DTYMK: variants seen among roughly 807,000 people sequenced by gnomAD.
The protein encoded by DTYMK is deoxythymidylate kinase.
In DTYMK, 20 loss-of-function variants were observed where a neutral mutation model predicts 20.3. That is an observed-to-expected ratio of 0.99 (90% CI 0.69 to 1.43). The LOEUF (loss-of-function observed/expected upper bound fraction) is 1.43, where lower values mean the gene tolerates loss of function less well. DTYMK is among the 40% of genes most tolerant of loss of function. DTYMK has a pLI of 0.00. For synonymous variants in DTYMK, 148 were observed against 124.4 expected, an observed-to-expected ratio of 1.19 and a Z score of -1.27; for missense variants, 320 against 291.1, an observed-to-expected ratio of 1.10 and a Z score of -0.72.
At chr2:241,685,952 G>T in intron 1 of DTYMK, 75 bp from the exon 2 acceptor site, 2 of 1,435,932 alleles carry the variant, frequency 1.4e-6, no homozygotes, top group South Asian at 1.2e-5. Context: ...AGTTTGGACT[G>T]AATTTCTCCC....
intron 2 of DTYMK, chr2:241,682,116 A>G (rs1447797189): frequency 2.7e-6 from 1 of 373,868 alleles, no homozygotes; most frequent in Non-Finnish European, 5.3e-6. Flanking sequence ...AGGCAGGAGG[A>G]CTGCTTGGGT....
intron 3 of DTYMK, among the ~76,000 whole-genome samples, chr2:241,679,362 C>A (rs1446620671): frequency 6.6e-6 from 1 of 152,180 alleles, no homozygotes; most frequent in Non-Finnish European, 1.5e-5. Context: ...GTCAGCTGAT[C>A]CGCACAGCAG....
At position 241,678,523 on chromosome 2, in the gene DTYMK, T is replaced by C; in HGVS notation, c.457A>G (p.Asn153Asp). The C allele has an allele frequency of 6.2e-7, 1 of 1,614,188 alleles. No homozygotes were observed. The highest frequency in any genetic ancestry group is 8.5e-7 in the Non-Finnish European group (1 of 1,180,042). The change falls in exon 4 of 5, where the codon AAC becomes GAC. Residue 153 changes from asparagine to aspartate, a missense_variant. By Grantham distance (23) the Asn-to-Asp change is conservative. Coordinates refer to ENST00000305784, the MANE Select transcript of DTYMK (RefSeq NM_012145.4). Reference sequence around the variant, plus strand: ...AGCGCCCGCTCCTGGAAAGCCCCGTTCTCATAGCGCTCATGGCCAAACGCT... The same window carrying C: ...AGCGCCCGCTCCTGGAAAGCCCCGTCCTCATAGCGCTCATGGCCAAACGCT... ...RGAFGHERYE[N>D]GAFQERALRC... is the part of the protein sequence containing the mutation.
intron 2 of DTYMK, among the ~76,000 whole-genome samples, chr2:241,683,478 G>A (rs950412363): frequency 2.0e-5 from 3 of 151,950 alleles, no homozygotes; most frequent in Non-Finnish European, 2.9e-5. Context: ...TATTTTATGC[G>A]TGGCCCAAGA....
At chr2:241,686,004 A>G (rs938281801) in intron 1 of DTYMK, 127 bp from the exon 2 acceptor site, 1 of 906,228 alleles carries the variant, frequency 1.1e-6, no homozygotes, top group Non-Finnish European at 1.7e-6. Context: ...CTAAATCTCT[A>G]GACAGGCTTG....
In DTYMK at chr2:241,678,597, T is replaced by C. The variant is rs1267530026; in HGVS notation, c.383A>G (p.Asp128Gly). Residue 128 changes from aspartate (D) to glycine (G), a missense_variant, in exon 4 of 5, where the codon GAC (aspartate) becomes GGC (glycine). Physicochemically the swap from Asp to Gly is moderately conservative, Grantham distance 94. Coordinates refer to ENST00000305784, the MANE Select transcript of DTYMK (RefSeq NM_012145.4). ...KQPDVGLPKPDLVLFLQLQLA... is the reference protein window; with the variant it reads ...KQPDVGLPKPGLVLFLQLQLA... ...CTGTAACTGGAGGAACAGGACCAGG[T>C]CGGGTTTGGGAAGGCCCACGTCTGG... 1 of 1,614,104 alleles carries C rather than the reference T, an allele frequency of 6.2e-7. No individual in the cohort carries two copies.
chr2:241,681,229 T>C (rs985003391), intron 2 of DTYMK, among the ~76,000 whole-genome samples: 1 of 152,114 alleles, frequency 6.6e-6, no homozygotes, highest in African/African-American at 2.4e-5. Context: ...GGCCTTCAAA[T>C]CACAGGGGCA....
intron 4 of DTYMK, 44 bp downstream of exon 4, chr2:241,678,408 G>A (rs1454543795): frequency 1.2e-6 from 2 of 1,611,306 alleles, no homozygotes; most frequent in African/African-American, 1.3e-5. Flanking sequence ...GTCATCCTGA[G>A]CCACTTCTCC....
chr2:241,678,092 G>A (rs1299196750), intron 4 of DTYMK, among the ~76,000 whole-genome samples: 1 of 152,048 alleles, frequency 6.6e-6, no homozygotes, highest in African/African-American at 2.4e-5. Context: ...CCTGACCAAC[G>A]TGGAGAAACC....
chr2:241,678,711 G>A (rs1036963597), intron 3 of DTYMK, 62 bp from the exon 4 acceptor site: 18 of 1,567,696 alleles, frequency 1.1e-5, no homozygotes, highest in Admixed American at 3.6e-5. Flanking sequence ...TTCGAAAGTC[G>A]TAAAAACAGG....
Position 241,678,635 on chromosome 2 carries a change from A to C in DTYMK, c.345T>G (p.Asp115Glu). 1 of 1,613,846 alleles carries C rather than the reference A, an allele frequency of 6.2e-7. No individual in the cohort carries two copies. Among genetic ancestry groups the C allele is most frequent in the Non-Finnish European group, 8.5e-7 (1 of 1,179,958 alleles). ...FTGAKENFSLDWCKQPDVGLP... is the reference protein window; with the variant it reads ...FTGAKENFSLEWCKQPDVGLP... Reference sequence around the variant, plus strand: ...GGCCCACGTCTGGCTGTTTACACCAATCTAGGGAAAAATTCTGCCAAGAAA... The same window carrying C: ...GGCCCACGTCTGGCTGTTTACACCACTCTAGGGAAAAATTCTGCCAAGAAA... The change falls in exon 4 of 5, where the codon GAT becomes GAG. Residue 115 changes from aspartate to glutamate, a missense_variant. Transcript: ENST00000305784.
At chr2:241,678,239 C>T (rs1169840126) in intron 4 of DTYMK, among the ~76,000 whole-genome samples, 1 of 152,014 alleles carries the variant, frequency 6.6e-6, no homozygotes, top group Non-Finnish European at 1.5e-5. Flanking sequence ...CATTGCACTC[C>T]AGCCTGGGTT....
chr2:241,678,763 C>T, intron 3 of DTYMK, 114 bp from the exon 4 acceptor site: 1 of 1,171,572 alleles, frequency 8.5e-7, no homozygotes, highest in Non-Finnish European at 1.2e-6. Flanking sequence ...AGATGTGAGA[C>T]TGTTTATATT....
chr2:241,680,264 CG>C lies in DTYMK; in HGVS notation c.294del (p.Tyr98Ter), dbSNP rs1559285278. The C allele has an allele frequency of 5.6e-6, 9 of 1,614,150 alleles. No homozygotes were observed. The highest frequency in any genetic ancestry group is 5.9e-6 in the Non-Finnish European group (7 of 1,180,016). On this transcript the variant is annotated frameshift_variant, in exon 3 of 5. Transcript: ENST00000305784. LOFTEE classifies it high-confidence loss of function. ...SQGVTLVVDR[Y>X]AFSGVAFTGA... ...CCGGTGAAGGCCACACCAGAAAATG[CG>C]TATCTGTCCACGACGAGGGTCACGC...
intron 3 of DTYMK, among the ~76,000 whole-genome samples, chr2:241,679,955 T>A (rs1553575076): frequency 2.2e-5 from 3 of 134,920 alleles, no homozygotes; most frequent in Non-Finnish European, 4.7e-5. Flanking sequence ...GGTGACAGAA[T>A]GAGAGACTGT....
At chr2:241,685,901 A>G (rs1280817121) in intron 1 of DTYMK, 24 bp from the exon 2 acceptor site, 12 of 1,608,284 alleles carry the variant, frequency 7.5e-6, no homozygotes, top group Non-Finnish European at 1.0e-5. Context: ...GAAACACACA[A>G]AATGCAAGTG....
intron 2 of DTYMK, chr2:241,682,043 C>T: frequency 3.1e-6 from 1 of 320,826 alleles, no homozygotes. Flanking sequence ...GACATTTCTC[C>T]TAAAAAAAAA....
rs1238030352 is a variant in DTYMK at position 241,683,294 on chromosome 2, C to CA, written c.239+2474_239+2475insT. On this transcript the variant is annotated intron_variant, in intron 2 of 4. Transcript: ENST00000305784. The stretch of plus-strand genomic sequence containing the variant: ...TGGTGAGGGTCTGGAGCAATAGCAA[C>CA]CCTTGTTCACTGCTGGTGAGAATGC... Among the ~76,000 whole-genome samples the CA allele has an allele frequency of 3.9e-5, 6 of 152,334 alleles. No homozygotes were observed. In the East Asian group the frequency reaches 1.2e-3, roughly 29 times the overall value.
chr2:241,676,855 C>T (rs937449127), intron 4 of DTYMK, among the ~76,000 whole-genome samples: 1 of 152,248 alleles, frequency 6.6e-6, no homozygotes, highest in African/African-American at 2.4e-5. Flanking sequence ...CTGCCCTGCC[C>T]ACGCTCCTGT....
Sources: gnomAD v4.1 joint callset for allele counts (sites outside exome capture counted in the v4.1 genomes callset) on GRCh38, gnomAD v4.1.1 for gene constraint, MANE v1.5 for transcripts, NCBI Gene and HGNC (gene_info 2026-07-23, HGNC 2026-07-21) for gene names.